CACNG3: variants seen among roughly 807,000 people sequenced by gnomAD.
CACNG3 encodes the protein voltage-dependent calcium channel gamma-3 subunit.
In CACNG3, 3 loss-of-function variants were observed where a neutral mutation model predicts 28.5. The observed-to-expected ratio is 0.11, with a 90% CI of 0.05 to 0.27. The LOEUF (loss-of-function observed/expected upper bound fraction) is 0.27. Among genes scored for constraint, CACNG3 ranks in the 10% least tolerant of loss-of-function variants. The pLI is 1.00. For missense variants in CACNG3, 236 were observed against 414.4 expected, an observed-to-expected ratio of 0.57 and a Z score of 3.74; for synonymous variants, 174 against 162.2, an observed-to-expected ratio of 1.07 and a Z score of -0.55.
intron 1 of CACNG3, among the ~76,000 whole-genome samples, chr16:24,291,093 C>T (rs1485517358): frequency 1.3e-5 from 2 of 152,178 alleles, no homozygotes; most frequent in African/African-American, 4.8e-5. Flanking sequence ...CATTCTTCTG[C>T]TGTAAATGGG....
In CACNG3 at chr16:24,284,596, T is replaced by G. The variant is rs186721931; in HGVS notation, c.211+27631T>G. 7.2e-5 allele frequency among the ~76,000 whole-genome samples: 11 copies of G among 152,346 alleles called. No individual in the cohort carries two copies. The East Asian group carries it at 2.1e-3, about 29-fold the overall frequency. On this transcript the variant is annotated intron_variant, in intron 1 of 3. Transcript: ENST00000005284. ...ATTAAGTTGTCTTTCAGTCTTTAAC[T>G]TTTAGGTTTTGAATTTTCATCTCTT...
At chr16:24,329,570 C>T (rs1899605019) in intron 1 of CACNG3, among the ~76,000 whole-genome samples, 1 of 152,194 alleles carries the variant, frequency 6.6e-6, no homozygotes, top group African/African-American at 2.4e-5. Flanking sequence ...AAGCCCAGGT[C>T]TCTCAGGAGT....
At chr16:24,305,550 T>G (rs907166878) in intron 1 of CACNG3, among the ~76,000 whole-genome samples, 1 of 151,878 alleles carries the variant, frequency 6.6e-6, no homozygotes, top group Admixed American at 6.6e-5. Context: ...AAAACTAACA[T>G]AGGAACAGAA....
intron 2 of CACNG3, among the ~76,000 whole-genome samples, chr16:24,351,831 C>CTTTTTTTT (rs869158970): frequency 1.2e-5 from 1 of 85,062 alleles, no homozygotes; most frequent in African/African-American, 4.9e-5. Context: ...CTCTCTCTCT[C>CTTTTTTTT]TTTTTTTTTT....
chr16:24,298,299 C>G (rs904535657), intron 1 of CACNG3, among the ~76,000 whole-genome samples: 1 of 152,100 alleles, frequency 6.6e-6, no homozygotes, highest in African/African-American at 2.4e-5. Context: ...TACTCCATCA[C>G]TTAATGACTG....
intron 1 of CACNG3, among the ~76,000 whole-genome samples, chr16:24,288,715 G>A (rs1362297233): frequency 1.3e-5 from 2 of 152,094 alleles, no homozygotes; most frequent in African/African-American, 4.8e-5. Context: ...GAACATCTGC[G>A]GCTCACTACT....
intron 2 of CACNG3, among the ~76,000 whole-genome samples, chr16:24,351,780 T>G (rs1386763890): frequency 7.4e-6 from 1 of 134,386 alleles, no homozygotes; most frequent in Non-Finnish European, 1.6e-5. Context: ...AAAGAAAGAT[T>G]GGGCAGTTTC....
At chr16:24,258,895 AT>A (rs1359490526) in intron 1 of CACNG3, among the ~76,000 whole-genome samples, 1 of 152,224 alleles carries the variant, frequency 6.6e-6, no homozygotes, top group East Asian at 1.9e-4. Flanking sequence ...TATGAAAAAA[AT>A]ATATATCTAT....
At chr16:24,315,499 G>GATTT (rs1899337011) in intron 1 of CACNG3, among the ~76,000 whole-genome samples, 1 of 129,318 alleles carries the variant, frequency 7.7e-6, no homozygotes, top group Non-Finnish European at 1.6e-5. Context: ...TTCTTTTCCT[G>GATTT]CTTTCTTTCT....
At chr16:24,330,290 G>A (rs1899614387) in intron 1 of CACNG3, among the ~76,000 whole-genome samples, 2 of 152,170 alleles carry the variant, frequency 1.3e-5, no homozygotes, top group African/African-American at 4.8e-5. Context: ...ATGCTTGCTT[G>A]TAGGGAGACC....
intron 3 of CACNG3, among the ~76,000 whole-genome samples, chr16:24,357,090 T>C (rs914674727): frequency 6.6e-6 from 1 of 151,824 alleles, no homozygotes; most frequent in Non-Finnish European, 1.5e-5. Context: ...AAAAATTAGC[T>C]GGGTGTGGTG....
At chr16:24,257,171 C>T (rs1456155954) in intron 1 of CACNG3, among the ~76,000 whole-genome samples, 1 of 152,058 alleles carries the variant, frequency 6.6e-6, no homozygotes, top group Non-Finnish European at 1.5e-5. Flanking sequence ...TTAGTATAAG[C>T]TTCATGAGAT....
At chr16:24,311,321 G>A (rs1899259570) in intron 1 of CACNG3, among the ~76,000 whole-genome samples, 1 of 152,020 alleles carries the variant, frequency 6.6e-6, no homozygotes, top group South Asian at 2.1e-4. Flanking sequence ...GACCACCCTG[G>A]CCAACATGGT....
chr16:24,288,675 C>T (rs971327120), intron 1 of CACNG3, among the ~76,000 whole-genome samples: 11 of 152,190 alleles, frequency 7.2e-5, no homozygotes, highest in African/African-American at 1.9e-4. Flanking sequence ...CACATACTGT[C>T]TGTGCTTGGC....
chr16:24,268,711 A>G (rs1162046697), intron 1 of CACNG3, among the ~76,000 whole-genome samples: 4 of 152,238 alleles, frequency 2.6e-5, no homozygotes, highest in Non-Finnish European at 5.9e-5. Flanking sequence ...AGGGAGTCTG[A>G]TGGGATGCAG....
chr16:24,342,361 A>G (rs917273137), intron 1 of CACNG3, among the ~76,000 whole-genome samples: 1 of 152,224 alleles, frequency 6.6e-6, no homozygotes, highest in Admixed American at 6.5e-5. Flanking sequence ...TAAAACAAAC[A>G]CACACAGATT....
At chr16:24,321,681 C>A (rs1482254814) in intron 1 of CACNG3, among the ~76,000 whole-genome samples, 1 of 152,106 alleles carries the variant, frequency 6.6e-6, no homozygotes, top group Non-Finnish European at 1.5e-5. Flanking sequence ...AAAAGAAAAT[C>A]ATCTATTGAG....
At chr16:24,275,316 A>G (rs1028673572) in intron 1 of CACNG3, among the ~76,000 whole-genome samples, 4 of 152,190 alleles carry the variant, frequency 2.6e-5, no homozygotes, top group African/African-American at 4.8e-5. Flanking sequence ...CTCAGTACTC[A>G]TTGTATTCAT....
chr16:24,319,987 T>C (rs11862054), intron 1 of CACNG3, among the ~76,000 whole-genome samples: 94,004 of 152,016 alleles, frequency 0.62, 29,551 homozygotes, highest in Middle Eastern at 0.71. Context: ...GCCAGGCTGG[T>C]CTCGAACTCC....
Sources: allele counts gnomAD v4.1 joint callset (sites outside exome capture counted in the v4.1 genomes callset), GRCh38; gene constraint gnomAD v4.1.1; transcripts MANE v1.5; gene names NCBI Gene and HGNC (gene_info 2026-07-23, HGNC 2026-07-21).